Variants in PCDH7 observed in about 807,000 individuals in gnomAD.
PCDH7 encodes the protein protocadherin-7.
PCDH7 carries 17 observed loss-of-function variants against 58.9 expected under a neutral mutation model. The ratio of observed to expected loss-of-function variants is 0.29; its 90% CI spans 0.20 to 0.43. PCDH7 has a LOEUF of 0.43. PCDH7 is among the 20% of genes least tolerant of loss of function. The pLI is 1.00. For synonymous variants in PCDH7, 664 were observed against 616.4 expected, an observed-to-expected ratio of 1.08 and a Z score of -1.14; for missense variants, 1,274 against 1,441.0, an observed-to-expected ratio of 0.88 and a Z score of 1.88.
At chr4:31,085,444 A>C (rs980671691) in intron 3 of PCDH7, among the ~76,000 whole-genome samples, 3 of 152,282 alleles carry the variant, frequency 2.0e-5, no homozygotes, top group Non-Finnish European at 4.4e-5. Context: ...GGCAAGAAGG[A>C]GGTCTGCTTT....
chr4:31,138,503 T>G (rs1410026666), intron 3 of PCDH7, among the ~76,000 whole-genome samples: 1 of 152,086 alleles, frequency 6.6e-6, no homozygotes, highest in African/African-American at 2.4e-5. Context: ...GAAGAAGCAA[T>G]GGGTTGTAGT....
chr4:30,869,937 C>T (rs968454716), intron 1 of PCDH7, among the ~76,000 whole-genome samples: 8 of 152,168 alleles, frequency 5.3e-5, no homozygotes, highest in African/African-American at 1.9e-4. Flanking sequence ...ACATCCTCTC[C>T]AGCATATGTT....
At chr4:30,972,813 A>T (rs141008896) in intron 3 of PCDH7, among the ~76,000 whole-genome samples, 169 of 152,310 alleles carry the variant, frequency 1.1e-3, no homozygotes, top group Middle Eastern at 3.4e-3. Context: ...TACCACACGG[A>T]GTGTCAGACT....
chr4:30,770,522 T>C (rs1199152732), intron 1 of PCDH7, among the ~76,000 whole-genome samples: 1 of 152,220 alleles, frequency 6.6e-6, no homozygotes, highest in Non-Finnish European at 1.5e-5. Flanking sequence ...AATTGAGTGC[T>C]AGCTGGATGA....
chr4:31,062,695 A>T (rs1757782451), intron 3 of PCDH7, among the ~76,000 whole-genome samples: 1 of 151,886 alleles, frequency 6.6e-6, no homozygotes, highest in East Asian at 1.9e-4. Flanking sequence ...TATTCTTTTC[A>T]GGGTCATTTT....
chr4:30,918,464 G>A (rs1266193578), intron 1 of PCDH7, among the ~76,000 whole-genome samples: 1 of 151,704 alleles, frequency 6.6e-6, no homozygotes, highest in Non-Finnish European at 1.5e-5. Context: ...AAAATACAGG[G>A]TAAAATATCA....
At chr4:30,754,062 ATTGTAGTCAGG>A (rs1214232671) in intron 1 of PCDH7, among the ~76,000 whole-genome samples, 16 of 152,144 alleles carry the variant, frequency 1.1e-4, no homozygotes, top group African/African-American at 3.9e-4. Context: ...CGCTTCTCCA[ATTGTAGTCAGG>A]TTGGGCGGTA....
chr4:30,735,572 C>G (rs906301817), downstream of PCDH7, among the ~76,000 whole-genome samples: 1 of 152,130 alleles, frequency 6.6e-6, no homozygotes, highest in African/African-American at 2.4e-5. Flanking sequence ...GTAAACTGCT[C>G]TAAGTGGATA....
At chr4:30,919,399 C>T (rs780794133) in intron 1 of PCDH7, among the ~76,000 whole-genome samples, 7 of 152,050 alleles carry the variant, frequency 4.6e-5, no homozygotes, top group African/African-American at 7.2e-5. Flanking sequence ...TTGTGGAGTT[C>T]AACTGGATAG....
chr4:30,744,048 T>A (rs1161363853), intron 1 of PCDH7, among the ~76,000 whole-genome samples: 1 of 152,176 alleles, frequency 6.6e-6, no homozygotes, highest in African/African-American at 2.4e-5. Context: ...ACAGTCAGTT[T>A]ATGATAGTCT....
At chr4:30,867,771 A>T (rs983621107) in intron 1 of PCDH7, among the ~76,000 whole-genome samples, 4 of 152,076 alleles carry the variant, frequency 2.6e-5, no homozygotes, top group Admixed American at 1.3e-4. Context: ...ACCTGAGGGG[A>T]AAATAGCATT....
At chr4:30,967,637 C>T (rs527627846) in intron 3 of PCDH7, among the ~76,000 whole-genome samples, 6 of 152,230 alleles carry the variant, frequency 3.9e-5, no homozygotes, top group Non-Finnish European at 7.4e-5. Flanking sequence ...TTCTTATTTT[C>T]TTCTCTCGCT....
At chr4:30,829,694 T>C (rs1359446525) in intron 1 of PCDH7, among the ~76,000 whole-genome samples, 3 of 152,066 alleles carry the variant, frequency 2.0e-5, no homozygotes, top group Non-Finnish European at 4.4e-5. Flanking sequence ...ACTATGACAA[T>C]GTCACCAATC....
At chr4:30,897,515 G>A (rs1001328443) in intron 1 of PCDH7, among the ~76,000 whole-genome samples, 11 of 151,574 alleles carry the variant, frequency 7.3e-5, no homozygotes, top group Non-Finnish European at 1.3e-4. Context: ...ATAAAATAAG[G>A]GATTAATATC....
At chr4:30,989,188 A>G (rs1441976165) in intron 3 of PCDH7, among the ~76,000 whole-genome samples, 1 of 151,974 alleles carries the variant, frequency 6.6e-6, no homozygotes, top group Non-Finnish European at 1.5e-5. Flanking sequence ...TATTTGATTT[A>G]TTTGATAAAG....
In PCDH7 at chr4:30,739,160, T is replaced by TATATATTTTATATATATTATA. The variant is rs1553876261; in HGVS notation, c.70+14564_70+14565insATATATTTTATATATATTATA. 4.0e-3 allele frequency among the ~76,000 whole-genome samples: 584 copies of TATATATTTTATATATATTATA among 145,360 alleles called. 4 individuals are homozygous for TATATATTTTATATATATTATA. Among genetic ancestry groups the TATATATTTTATATATATTATA allele is most frequent in the African/African-American group, 0.014 (541 of 39,904 alleles). ...AAAATATATATATTTTATATATATATTATATATATATATCTGTGTTCCAGT... is the reference window on the plus strand; with the variant it reads ...AAAATATATATATTTTATATATATATATATATTTTATATATATTATATATATATATATATCTGTGTTCCAGT... On this transcript the variant is annotated intron_variant, in intron 1 of 3. Transcript: ENST00000509759.
intron 1 of PCDH7, among the ~76,000 whole-genome samples, chr4:30,729,407 A>G (rs911204424): frequency 1.3e-5 from 2 of 152,018 alleles, no homozygotes; most frequent in African/African-American, 4.8e-5. Flanking sequence ...CTGGGAAAAT[A>G]TAATTCAAAA....
intron 3 of PCDH7, among the ~76,000 whole-genome samples, chr4:31,042,728 G>A (rs1755981824): frequency 6.6e-6 from 1 of 151,916 alleles, no homozygotes; most frequent in Admixed American, 6.6e-5. Context: ...GATCAGTGGT[G>A]GATAACATAA....
chr4:30,910,706 C>G (rs77688504), intron 1 of PCDH7, among the ~76,000 whole-genome samples: 105,605 of 152,002 alleles, frequency 0.69, 36,940 homozygotes, highest in African/African-American at 0.79. Flanking sequence ...TTACACTGTT[C>G]TTGGGAGCAT....
Sources: allele counts gnomAD v4.1 joint callset (sites outside exome capture counted in the v4.1 genomes callset), GRCh38; gene constraint gnomAD v4.1.1; transcripts MANE v1.5; gene names NCBI Gene and HGNC (gene_info 2026-07-23, HGNC 2026-07-21).